Variants in HMGCLL1 observed in about 807,000 individuals in gnomAD.
HMGCLL1 encodes 3-hydroxymethyl-3-methylglutaryl-CoA lyase, cytoplasmic.
Under a neutral mutation model 39.1 loss-of-function variants are expected in HMGCLL1, and 36 were observed. The observed-to-expected ratio is 0.92, with a 90% CI of 0.71 to 1.22. HMGCLL1 has a LOEUF of 1.22. HMGCLL1 is among the 50% of genes most tolerant of loss of function. HMGCLL1 has a pLI of 0.00. For missense variants in HMGCLL1, 451 were observed against 416.5 expected (o/e 1.08, Z -0.72); for synonymous variants, 149 against 144.0 (o/e 1.03, Z -0.25).
intron 1 of HMGCLL1, among the ~76,000 whole-genome samples, chr6:55,575,868 C>T (rs957263521): frequency 1.3e-4 from 20 of 152,298 alleles, no homozygotes; most frequent in African/African-American, 4.8e-4. Context: ...AAATATTTAT[C>T]ATGATGCTAC....
chr6:55,594,934 T>C, the HMGCLL1 span, among the ~76,000 whole-genome samples: 6 of 152,322 alleles, frequency 3.9e-5, no homozygotes, highest in East Asian at 1.9e-4. Context: ...ACTCTGGATA[T>C]TGTGTTTCTT....
intron 7 of HMGCLL1, among the ~76,000 whole-genome samples, chr6:55,487,524 C>A (rs1474660798): frequency 6.6e-6 from 1 of 151,980 alleles, no homozygotes; most frequent in African/African-American, 2.4e-5. Context: ...TCTGCTCCTA[C>A]TTATGAGTGA....
the HMGCLL1 span, among the ~76,000 whole-genome samples, chr6:55,671,919 A>G: frequency 6.6e-6 from 1 of 151,808 alleles, no homozygotes; most frequent in Admixed American, 6.6e-5. Context: ...GATATAATAC[A>G]AAAGAAAGTG....
the HMGCLL1 span, among the ~76,000 whole-genome samples, chr6:55,644,784 T>A: frequency 6.6e-6 from 1 of 152,186 alleles, no homozygotes; most frequent in African/African-American, 2.4e-5. Context: ...AGTACCATGC[T>A]GTTTTGATTA....
the HMGCLL1 span, among the ~76,000 whole-genome samples, chr6:55,662,975 T>C: frequency 6.6e-6 from 1 of 151,758 alleles, no homozygotes; most frequent in Non-Finnish European, 1.5e-5. Context: ...TTTGTGTGCA[T>C]AGAGGTGTTC....
chr6:55,439,737 A>G lies in HMGCLL1; in HGVS notation c.796-178T>C, dbSNP rs553526627. On this transcript the variant is annotated intron_variant, in intron 7 of 8. Coordinates refer to ENST00000274901, the MANE Select transcript of HMGCLL1 (RefSeq NM_001042406.2). ...AGGGTGCTTATTTCTTTTATGTCTA[A>G]TCTCGTCTTTGAGGCTAACAGAAAT... is the stretch of plus-strand genomic sequence containing the variant. The G allele has an allele frequency of 3.3e-4, 161 of 485,050 alleles. 1 individual carries two copies. Among genetic ancestry groups the G allele is most frequent in the Non-Finnish European group, 5.4e-4 (150 of 279,398 alleles). The allele number at this position is 485,050 out of a possible 1,614,324, so 30.0% of individuals were successfully genotyped here.
At chr6:55,604,017 G>T in the HMGCLL1 span, among the ~76,000 whole-genome samples, 58 of 152,244 alleles carry the variant, frequency 3.8e-4, no homozygotes, top group African/African-American at 1.4e-3. Context: ...GAAGTAGTTT[G>T]TTGGGTGTCT....
chr6:55,532,636 A>C (rs2127449456), intron 3 of HMGCLL1, among the ~76,000 whole-genome samples: 1 of 151,976 alleles, frequency 6.6e-6, no homozygotes, highest in East Asian at 1.9e-4. Context: ...CCTCGTCTGT[A>C]CTAAAAATAC....
At chr6:55,543,215 TTATATAA>T (rs1382411530) in intron 1 of HMGCLL1, among the ~76,000 whole-genome samples, 2 of 16,124 alleles carry the variant, frequency 1.2e-4, no homozygotes, top group African/African-American at 3.8e-4. Flanking sequence ...ATATTATATA[TTATATAA>T]TATATAATAT....
intron 1 of HMGCLL1, among the ~76,000 whole-genome samples, chr6:55,564,712 G>A (rs1286484180): frequency 1.3e-5 from 2 of 151,968 alleles, no homozygotes; most frequent in Non-Finnish European, 2.9e-5. Flanking sequence ...AATGGTACAT[G>A]CTTTGATTTT....
the HMGCLL1 span, among the ~76,000 whole-genome samples, chr6:55,634,361 A>T: frequency 8.7e-4 from 132 of 151,646 alleles, no homozygotes; most frequent in African/African-American, 3.2e-3. Context: ...GATCTGAAAA[A>T]GCATGCACAC....
chr6:55,555,066 A>G (rs902377488), intron 1 of HMGCLL1, among the ~76,000 whole-genome samples: 6 of 152,186 alleles, frequency 3.9e-5, no homozygotes, highest in South Asian at 2.1e-4. Flanking sequence ...AATATCCTCT[A>G]TAACTTTCCA....
chr6:55,509,174 A>G (rs1431869639), intron 5 of HMGCLL1, among the ~76,000 whole-genome samples: 1 of 151,926 alleles, frequency 6.6e-6, no homozygotes, highest in Non-Finnish European at 1.5e-5. Flanking sequence ...TTGGTGGTAC[A>G]TAATGATGAT....
the HMGCLL1 span, among the ~76,000 whole-genome samples, chr6:55,594,582 A>C: frequency 6.6e-6 from 1 of 152,274 alleles, no homozygotes; most frequent in Non-Finnish European, 1.5e-5. Context: ...TCTTTACTTG[A>C]TCATTTCCAG....
intron 7 of HMGCLL1, among the ~76,000 whole-genome samples, chr6:55,484,867 G>A (rs1765934920): frequency 6.6e-6 from 1 of 151,774 alleles, no homozygotes; most frequent in South Asian, 2.1e-4. Flanking sequence ...CAGTCAGAAT[G>A]ATCCCTTTTG....
intron 1 of HMGCLL1, among the ~76,000 whole-genome samples, chr6:55,555,918 G>A (rs1770637291): frequency 6.6e-6 from 1 of 152,106 alleles, no homozygotes; most frequent in African/African-American, 2.4e-5. Context: ...CTGTTGTGGG[G>A]GTTCTTTTGG....
At chr6:55,439,815 G>C (rs777219463) in intron 7 of HMGCLL1, 9 of 333,252 alleles carry the variant, frequency 2.7e-5, no homozygotes, top group Non-Finnish European at 4.9e-5. Flanking sequence ...GTAAAATGGT[G>C]TTGTTCGTTG....
At chr6:55,561,905 G>A (rs1032697803) in intron 1 of HMGCLL1, among the ~76,000 whole-genome samples, 3 of 151,856 alleles carry the variant, frequency 2.0e-5, no homozygotes, top group Non-Finnish European at 4.4e-5. Flanking sequence ...CTCAGCATAC[G>A]ATAAACTAAA....
intron 3 of HMGCLL1, among the ~76,000 whole-genome samples, chr6:55,526,503 T>G (rs1768328474): frequency 6.6e-6 from 1 of 152,050 alleles, no homozygotes; most frequent in Non-Finnish European, 1.5e-5. Flanking sequence ...ATACTTTGCA[T>G]GAAATAAGAT....
Sources: allele counts gnomAD v4.1 joint callset (sites outside exome capture counted in the v4.1 genomes callset), GRCh38; gene constraint gnomAD v4.1.1; transcripts MANE v1.5; gene names NCBI Gene and HGNC (gene_info 2026-07-23, HGNC 2026-07-21).